The following CNTN5 variants were observed in gnomAD, a reference collection of about 807,000 sequenced individuals.
The protein encoded by CNTN5 is contactin-5.
Under a neutral mutation model 129.1 loss-of-function variants are expected in CNTN5, and 77 were observed. The ratio of observed to expected loss-of-function variants is 0.60; its 90% CI spans 0.50 to 0.72. CNTN5 has a LOEUF of 0.72. Among genes scored for constraint, CNTN5 ranks in the 30% least tolerant of loss-of-function variants. The pLI, the probability that CNTN5 is intolerant of heterozygous loss-of-function variation, is 0.00. For synonymous variants in CNTN5, 509 were observed against 465.6 expected (o/e 1.09, Z -1.20); for missense variants, 1,478 against 1,328.8 (o/e 1.11, Z -1.75).
chr11:99,958,011 A>G (rs1168610104), intron 8 of CNTN5, among the ~76,000 whole-genome samples: 1 of 151,964 alleles, frequency 6.6e-6, no homozygotes, highest in African/African-American at 2.4e-5. Flanking sequence ...TATATAAAAT[A>G]TATATAATAG....
chr11:100,013,733 T>G (rs1158820228), intron 9 of CNTN5, among the ~76,000 whole-genome samples: 1 of 152,208 alleles, frequency 6.6e-6, no homozygotes. Flanking sequence ...GAAATTGAAA[T>G]GTTTCCCTAA....
chr11:99,285,808 C>A (rs776667797), intron 1 of CNTN5, among the ~76,000 whole-genome samples: 1 of 151,944 alleles, frequency 6.6e-6, no homozygotes, highest in Non-Finnish European at 1.5e-5. Flanking sequence ...GAGGCCAATG[C>A]AGGCAGATCA....
At chr11:99,901,068 A>G (rs1210189073) in intron 6 of CNTN5, among the ~76,000 whole-genome samples, 11 of 152,190 alleles carry the variant, frequency 7.2e-5, no homozygotes, top group Admixed American at 3.9e-4. Context: ...GTTTCTCACA[A>G]AAGTGTCTAA....
intron 2 of CNTN5, among the ~76,000 whole-genome samples, chr11:99,417,149 A>G (rs771081512): frequency 6.6e-6 from 1 of 152,146 alleles, no homozygotes; most frequent in Non-Finnish European, 1.5e-5. Flanking sequence ...AAAAAACCCA[A>G]CTTGGTCTAA....
At chr11:99,718,656 G>A (rs1943065299) in intron 3 of CNTN5, among the ~76,000 whole-genome samples, 1 of 152,120 alleles carries the variant, frequency 6.6e-6, no homozygotes, top group South Asian at 2.1e-4. Context: ...AACAGAATAT[G>A]AGGATGGTAA....
At chr11:100,305,581 T>G (rs1441480014) in intron 20 of CNTN5, among the ~76,000 whole-genome samples, 1 of 151,828 alleles carries the variant, frequency 6.6e-6, no homozygotes, top group Admixed American at 6.6e-5. Flanking sequence ...GCCAAGTGAC[T>G]TCTAGAGTCC....
chr11:99,531,942 G>C (rs944476521), intron 2 of CNTN5, among the ~76,000 whole-genome samples: 1 of 152,114 alleles, frequency 6.6e-6, no homozygotes, highest in Middle Eastern at 3.2e-3. Context: ...GGAAATATGA[G>C]GTCGGAGAAC....
rs1435513612 is a variant in CNTN5, at chr11:100,003,597, A to G, written c.980+1461A>G. ...ACTAGACTTATAGGAAAAAACCAAT[A>G]TAAATATTTCCCCAGGCAAGCTTAT... On this transcript the variant is annotated intron_variant, in intron 9 of 24. Transcript: ENST00000524871. Among the ~76,000 whole-genome samples, 3 of 152,156 alleles carry G rather than the reference A, an allele frequency of 2.0e-5. No homozygotes were observed. The East Asian group carries it at 5.8e-4, about 29-fold the overall frequency.
intron 3 of CNTN5, among the ~76,000 whole-genome samples, chr11:99,801,392 G>A (rs1306435448): frequency 1.3e-5 from 2 of 152,108 alleles, no homozygotes; most frequent in Admixed American, 1.3e-4. Flanking sequence ...TTTGGACAGT[G>A]TGATTACTAT....
intron 1 of CNTN5, among the ~76,000 whole-genome samples, chr11:99,296,012 T>C (rs1017900252): frequency 4.6e-5 from 7 of 152,130 alleles, no homozygotes; most frequent in African/African-American, 1.7e-4. Flanking sequence ...TTTATAAGGC[T>C]GGCTGCAAAA....
intron 6 of CNTN5, among the ~76,000 whole-genome samples, chr11:99,866,907 G>C (rs1175446156): frequency 2.0e-5 from 3 of 152,154 alleles, no homozygotes; most frequent in Non-Finnish European, 4.4e-5. Context: ...GTATAGATAG[G>C]TGGTCACCTG....
chr11:99,218,083 G>C (rs1308349694), intron 1 of CNTN5, among the ~76,000 whole-genome samples: 3 of 152,092 alleles, frequency 2.0e-5, no homozygotes, highest in Non-Finnish European at 4.4e-5. Flanking sequence ...AGTTCTAGCA[G>C]TAGCTACTGT....
chr11:99,964,406 T>C (rs575635361), intron 8 of CNTN5, among the ~76,000 whole-genome samples: 153 of 152,340 alleles, frequency 1.0e-3, no homozygotes, highest in Non-Finnish European at 1.8e-3. Flanking sequence ...TCTGCATCTA[T>C]TGTGATAATC....
chr11:100,299,306 C>T lies in CNTN5; in HGVS notation c.2530C>T (p.Leu844Phe). 6.2e-7 allele frequency: 1 copy of T among 1,610,656 alleles called. No homozygotes were observed. The highest frequency in any genetic ancestry group is 1.1e-5 in the South Asian group (1 of 91,012). ...FIYRDESVPP[L>F]TPFEVKVGVY... The stretch of plus-strand genomic sequence containing the variant: ...TTATCGAGATGAAAGTGTCCCTCCT[C>T]TTACTCCCTTTGAAGTGAAAGTTGG... Residue 844 changes from leucine to phenylalanine, a missense_variant, in exon 20 of 25, where the codon CTT becomes TTT. Coordinates refer to ENST00000524871, the MANE Select transcript of CNTN5 (RefSeq NM_014361.4).
intron 2 of CNTN5, among the ~76,000 whole-genome samples, chr11:99,437,307 G>T (rs1943637289): frequency 6.6e-6 from 1 of 152,034 alleles, no homozygotes; most frequent in Non-Finnish European, 1.5e-5. Context: ...AAGTGGTTTT[G>T]CCGCTTTATG....
At chr11:99,591,494 T>C (rs1205243579) in intron 3 of CNTN5, among the ~76,000 whole-genome samples, 10 of 151,814 alleles carry the variant, frequency 6.6e-5, no homozygotes, top group Non-Finnish European at 1.3e-4. Flanking sequence ...CGTGCCACCA[T>C]GCCCGGCTAA....
At chr11:99,645,262 CAAAAAAA>C (rs71050011) in intron 3 of CNTN5, among the ~76,000 whole-genome samples, 5 of 47,506 alleles carry the variant, frequency 1.1e-4, no homozygotes, top group South Asian at 9.7e-4. Flanking sequence ...TCCATCTCAA[CAAAAAAA>C]AAAAAAAAAA....
intron 2 of CNTN5, among the ~76,000 whole-genome samples, chr11:99,551,477 C>A (rs2135523787): frequency 6.6e-6 from 1 of 152,172 alleles, no homozygotes; most frequent in East Asian, 1.9e-4. Flanking sequence ...TAAGAGATGT[C>A]CTAGAGATTG....
chr11:100,050,083 T>C lies in CNTN5; in HGVS notation c.981-11129T>C, dbSNP rs1474201287. 6.6e-5 allele frequency among the ~76,000 whole-genome samples: 10 copies of C among 152,260 alleles called. No homozygotes were observed. In the South Asian group the frequency reaches 1.9e-3, roughly 28 times the overall value. On this transcript the variant is annotated intron_variant, in intron 9 of 24. Transcript: ENST00000524871. ...TCAGTGTGGCGATTCCTCAGGGATC[T>C]AGAACTAGAAATACCATTTGACCCA...
Sources: allele counts gnomAD v4.1 joint callset (sites outside exome capture counted in the v4.1 genomes callset), GRCh38; gene constraint gnomAD v4.1.1; transcripts MANE v1.5; gene names NCBI Gene and HGNC (gene_info 2026-07-23, HGNC 2026-07-21).